Variants in FADS2 observed in about 807,000 individuals in gnomAD.
The protein encoded by FADS2 is acyl-CoA 6-desaturase.
FADS2 carries 18 observed loss-of-function variants against 61.2 expected under a neutral mutation model. The observed-to-expected ratio is 0.29, with a 90% confidence interval of 0.20 to 0.44. FADS2 has a LOEUF of 0.44. Ranked by LOEUF, FADS2 falls within the 20% of genes least tolerant of loss-of-function variation. The pLI is 1.00. For synonymous variants in FADS2, 203 were observed against 223.9 expected (o/e 0.91, Z 0.83); for missense variants, 322 against 572.7 (o/e 0.56, Z 4.47).
chr11:61,855,770 G>A (rs1307151547), intron 5 of FADS2: 1 of 152,334 alleles, frequency 6.6e-6, no homozygotes, highest in East Asian at 1.9e-4. Flanking sequence ...CTGGATGAGA[G>A]GGGCACTGGC....
At chr11:61,845,867 C>T (rs1316258266) in intron 4 of FADS2, among the ~76,000 whole-genome samples, 9 of 152,002 alleles carry the variant, frequency 5.9e-5, no homozygotes, top group Admixed American at 3.9e-4. Context: ...CATCTCATCC[C>T]GAGTCCAGGG....
chr11:61,848,357 T>C lies in FADS2; in HGVS notation c.744+73T>C. 1.6e-5 allele frequency: 26 copies of C among 1,598,202 alleles called. No homozygotes were observed. In the South Asian group the frequency reaches 2.9e-4, roughly 18 times the overall value. On this transcript the variant is annotated intron_variant, in intron 5 of 11. Coordinates refer to ENST00000278840, the MANE Select transcript of FADS2 (RefSeq NM_004265.4). ...GAATGGCAGACCATCGAGGTACAAC[T>C]AAGGAGATGGTGTTGACCTAGGAAG...
rs145859644 is a variant in FADS2, at chr11:61,840,492, T to A, written c.477T>A (p.Ile159=). ...TCTTTTACTTTGGCAATGGCTGGAT[T>A]CCTACCCTCATCACGGCCTTTGTCC... The part of the protein sequence containing the change: ...FTVFYFGNGW[I]PTLITAFVLA... The change falls in exon 3 of 12, where the codon ATT becomes ATA. Residue 159 remains isoleucine (I), a synonymous_variant. Coordinates refer to ENST00000278840, the MANE Select transcript of FADS2 (RefSeq NM_004265.4). The A allele has an allele frequency of 4.0e-4, 649 of 1,614,194 alleles. No homozygotes were observed. Among genetic ancestry groups the A allele is most frequent in the Middle Eastern group, 1.5e-3 (9 of 6,062 alleles).
chr11:61,828,083 C>G, upstream of FADS2: 1 of 1,267,670 alleles, frequency 7.9e-7, no homozygotes, highest in Non-Finnish European at 1.0e-6. This position sits in a 1 kb window ranked among gnomAD's most constrained non-coding sequence, Gnocchi z 6.4. Flanking sequence ...GGTGTCGAGG[C>G]CCTGAGCTCC....
intron 9 of FADS2, 65 bp downstream of exon 9, chr11:61,863,443 C>A: frequency 8.0e-7 from 1 of 1,246,726 alleles, no homozygotes; most frequent in South Asian, 1.2e-5. Flanking sequence ...CCCAGATGAT[C>A]TGCACCTGCT....
intron 7 of FADS2, among the ~76,000 whole-genome samples, chr11:61,858,365 G>A (rs1257043148): frequency 6.6e-6 from 1 of 151,918 alleles, no homozygotes; most frequent in East Asian, 1.9e-4. Context: ...TTTTAGTAGA[G>A]ATGGGGTTTT....
intron 1 of FADS2, among the ~76,000 whole-genome samples, chr11:61,836,005 C>T (rs948054987): frequency 1.3e-5 from 2 of 152,170 alleles, no homozygotes; most frequent in Non-Finnish European, 2.9e-5. Context: ...TTCATTTTTT[C>T]TCATTCAACT....
intron 1 of FADS2, among the ~76,000 whole-genome samples, chr11:61,835,182 T>C (rs1202020134): frequency 6.6e-6 from 1 of 152,180 alleles, no homozygotes; most frequent in Non-Finnish European, 1.5e-5. Flanking sequence ...ACAGGCATTT[T>C]TTAAGAAACC....
At chr11:61,834,985 C>G (rs1363721181) in intron 1 of FADS2, among the ~76,000 whole-genome samples, 1 of 127,894 alleles carries the variant, frequency 7.8e-6, no homozygotes, top group African/African-American at 2.7e-5. Context: ...CTGCCTGCCC[C>G]CCCACCCCAG....
intron 4 of FADS2, among the ~76,000 whole-genome samples, chr11:61,842,405 C>G (rs767020199): frequency 1.3e-5 from 2 of 152,230 alleles, no homozygotes; most frequent in Non-Finnish European, 2.9e-5. Context: ...GGCAAAGTAA[C>G]ATTTAACTCC....
At chr11:61,843,436 A>G (rs978684973) in intron 4 of FADS2, among the ~76,000 whole-genome samples, 2 of 152,136 alleles carry the variant, frequency 1.3e-5, no homozygotes, top group Non-Finnish European at 2.9e-5. Flanking sequence ...TCTCTAAATA[A>G]ATAAATGCAA....
chr11:61,830,103 G>A (rs558291824), intron 1 of FADS2, among the ~76,000 whole-genome samples: 1 of 152,294 alleles, frequency 6.6e-6, no homozygotes, highest in Admixed American at 6.5e-5. Context: ...GGACCTTTAC[G>A]CGGCCCAGTG....
At chr11:61,855,990 C>A (rs976036771) in intron 5 of FADS2, 1 of 152,320 alleles carries the variant, frequency 6.6e-6, no homozygotes, top group Non-Finnish European at 1.5e-5. Flanking sequence ...AAATGCCAGA[C>A]AAGGCTCAGC....
chr11:61,834,285 G>T (rs2067152504), intron 1 of FADS2, among the ~76,000 whole-genome samples: 1 of 152,228 alleles, frequency 6.6e-6, no homozygotes, highest in African/African-American at 2.4e-5. Context: ...TTCTAAAACG[G>T]CAGGAAGCGT....
Position 61,828,439 on chromosome 11 carries a change from T to C in FADS2, c.49T>C (p.Ser17Pro), listed in dbSNP as rs1388264490. 5 of 1,593,578 alleles carry C rather than the reference T, an allele frequency of 3.1e-6. No individual in the cohort carries two copies. The highest frequency in any genetic ancestry group is 3.4e-6 in the Non-Finnish European group (4 of 1,171,814). Residue 17 changes from serine (S) to proline (P), a missense_variant, in exon 1 of 12, where the codon TCG becomes CCG. Around this residue, in one of 3 missense-constraint regions of FADS2, gnomAD observed 61 missense variants for 107.4 expected, o/e 0.57. Transcript: ENST00000278840. The surrounding 1 kb of genome is among the most constrained non-coding windows in gnomAD (Gnocchi z 6.4). ...CGAGGGGGCCGCCGAGCGCGAGGTG[T>C]CGGTGCCCACCTTCAGCTGGGAGGA... ...QGEGAAEREV[S>P]VPTFSWEEIQ...
In FADS2 at chr11:61,863,317, A is replaced by G. The variant is rs2067433186; in HGVS notation, c.1016A>G (p.Gln339Arg). ...LESHWFVWVT[Q>R]MNHIVMEIDQ... ...AGCCACTGGTTTGTGTGGGTCACAC[A>G]GATGAATCACATCGTCATGGAGATT... Residue 339 changes from glutamine to arginine, a missense_variant, in exon 9 of 12, where the codon CAG becomes CGG. By Grantham distance (43) the Gln-to-Arg change is conservative. This residue lies in a region of FADS2 where 221 missense variants were observed against 427.9 expected (regional missense o/e 0.52). Coordinates refer to ENST00000278840, the MANE Select transcript of FADS2 (RefSeq NM_004265.4). The G allele has an allele frequency of 6.2e-7, 1 of 1,614,038 alleles. No individual in the cohort carries two copies. Among genetic ancestry groups the G allele is most frequent in the Non-Finnish European group, 8.5e-7 (1 of 1,180,016 alleles).
chr11:61,825,836 T>G (rs2067080380), upstream of FADS2, among the ~76,000 whole-genome samples: 1 of 151,712 alleles, frequency 6.6e-6, no homozygotes, highest in Non-Finnish European at 1.5e-5. Context: ...GAGCTTGCAG[T>G]GAGTAGAGAT....
In FADS2 at chr11:61,864,142, G is replaced by T. The variant is rs3741; in HGVS notation, c.1157+356G>T. 1.2e-5 allele frequency: 3 copies of T among 240,358 alleles called. No individual in the cohort carries two copies. The South Asian group carries it at 4.8e-4, about 39-fold the overall frequency. 14.9% of individuals were successfully genotyped at this position (240,358 alleles called of 1,614,324 possible). On this transcript the variant is annotated intron_variant, in intron 10 of 11. Transcript: ENST00000278840. The stretch of plus-strand genomic sequence containing the variant: ...TAGCTTGCCTGGAACATCGGCCGAG[G>T]GACTGCCCTGCTGCCCCTTGTCCTT...
chr11:61,822,707 C>T (rs554599727), intron 1 of FADS2, among the ~76,000 whole-genome samples: 2 of 152,210 alleles, frequency 1.3e-5, no homozygotes, highest in East Asian at 1.9e-4. Flanking sequence ...AATGATCTCT[C>T]TTTAAAATAA....
Sources: allele counts gnomAD v4.1 joint callset (sites outside exome capture counted in the v4.1 genomes callset), GRCh38; gene constraint gnomAD v4.1.1; regional missense constraint gnomAD v4.1.1; non-coding constraint Gnocchi (gnomAD v3.1); transcripts MANE v1.5; gene names NCBI Gene and HGNC (gene_info 2026-07-23, HGNC 2026-07-21).